Variants in GALNT13 observed in about 807,000 individuals in gnomAD.
GALNT13 encodes the protein UDP-GalNAc:polypeptide N-acetylgalactosaminyltransferase 13.
GALNT13 carries 28 observed loss-of-function variants against 64.2 expected under a neutral mutation model. The ratio of observed to expected loss-of-function variants is 0.44; its 90% CI spans 0.32 to 0.60. The LOEUF (loss-of-function observed/expected upper bound fraction) is 0.60. Among genes scored for constraint, GALNT13 ranks in the 20% least tolerant of loss-of-function variants. The pLI is 0.05. For synonymous variants in GALNT13, 214 were observed against 224.6 expected (o/e 0.95, Z 0.42); for missense variants, 577 against 669.8 (o/e 0.86, Z 1.53).
chr2:154,067,440 A>C (rs2105380864), intron 3 of GALNT13, among the ~76,000 whole-genome samples: 1 of 152,218 alleles, frequency 6.6e-6, no homozygotes. Flanking sequence ...ACAGATAAAA[A>C]AATGACATTC....
At chr2:153,611,883 T>C in the GALNT13 span, among the ~76,000 whole-genome samples, 1 of 150,256 alleles carries the variant, frequency 6.7e-6, no homozygotes, top group Non-Finnish European at 1.5e-5. Flanking sequence ...CAGTCCCTGA[T>C]GTGTGATATT....
the GALNT13 span, among the ~76,000 whole-genome samples, chr2:153,772,228 AC>A: frequency 6.6e-6 from 1 of 152,334 alleles, no homozygotes; most frequent in African/African-American, 2.4e-5. Context: ...AGGTCACCAA[AC>A]AACGACTGAT....
At chr2:153,885,826 G>A (rs1188076340) in intron 1 of GALNT13, among the ~76,000 whole-genome samples, 1 of 152,080 alleles carries the variant, frequency 6.6e-6, no homozygotes, top group Non-Finnish European at 1.5e-5. Flanking sequence ...AATAATTGCT[G>A]TAAAGATACT....
At chr2:153,115,159 C>A in the GALNT13 span, among the ~76,000 whole-genome samples, 1 of 152,008 alleles carries the variant, frequency 6.6e-6, no homozygotes. Flanking sequence ...GCTTTTCAAA[C>A]CCTATAAAAA....
chr2:153,290,117 C>G, the GALNT13 span, among the ~76,000 whole-genome samples: 1 of 152,130 alleles, frequency 6.6e-6, no homozygotes, highest in Non-Finnish European at 1.5e-5. Flanking sequence ...TCACCTTACT[C>G]TCTATGCAAA....
At chr2:154,289,806 T>C (rs2105957969) in intron 8 of GALNT13, among the ~76,000 whole-genome samples, 1 of 152,302 alleles carries the variant, frequency 6.6e-6, no homozygotes, top group African/African-American at 2.4e-5. Flanking sequence ...TGTGTTCCAG[T>C]TTCTTATTTT....
chr2:153,327,236 T>G, the GALNT13 span, among the ~76,000 whole-genome samples: 1 of 152,204 alleles, frequency 6.6e-6, no homozygotes, highest in African/African-American at 2.4e-5. Context: ...CCTTAACGTT[T>G]TTGCCTTCAT....
intron 4 of GALNT13, chr2:154,236,088 A>G: frequency 1.7e-6 from 2 of 1,197,732 alleles, no homozygotes; most frequent in South Asian, 1.6e-5. Context: ...TCCAGATGAC[A>G]GAAGAGATTG....
intron 3 of GALNT13, among the ~76,000 whole-genome samples, chr2:153,956,481 C>T (rs1203190158): frequency 2.0e-5 from 3 of 152,126 alleles, no homozygotes. Flanking sequence ...CTATAACATG[C>T]TAGAATGTTC....
intron 9 of GALNT13, among the ~76,000 whole-genome samples, chr2:154,346,992 A>G (rs1333571204): frequency 6.6e-6 from 1 of 150,556 alleles, no homozygotes; most frequent in Non-Finnish European, 1.5e-5. Flanking sequence ...CAAAGCTGTT[A>G]ATCTAATATC....
chr2:153,183,874 T>C, the GALNT13 span, among the ~76,000 whole-genome samples: 1 of 152,204 alleles, frequency 6.6e-6, no homozygotes. Flanking sequence ...TACTGTAGGC[T>C]TGTAGTATAT....
chr2:153,336,925 A>G, the GALNT13 span, among the ~76,000 whole-genome samples: 7 of 152,296 alleles, frequency 4.6e-5, no homozygotes, highest in South Asian at 4.1e-4. Context: ...TGTGATAGCA[A>G]TTAAGTCTCA....
the GALNT13 span, among the ~76,000 whole-genome samples, chr2:153,722,988 A>G: frequency 2.0e-5 from 3 of 152,150 alleles, no homozygotes; most frequent in Admixed American, 6.5e-5. Flanking sequence ...AAAGCCGGGC[A>G]GAGACACAAC....
chr2:153,261,654 T>G, the GALNT13 span, among the ~76,000 whole-genome samples: 1 of 152,160 alleles, frequency 6.6e-6, no homozygotes, highest in Non-Finnish European at 1.5e-5. Context: ...CACTGGGTTT[T>G]GCCCAAGAAC....
At chr2:153,535,204 G>T in the GALNT13 span, among the ~76,000 whole-genome samples, 1 of 152,148 alleles carries the variant, frequency 6.6e-6, no homozygotes, top group South Asian at 2.1e-4. Flanking sequence ...GTGACGGCCC[G>T]GATACGGTTT....
intron 2 of GALNT13, among the ~76,000 whole-genome samples, chr2:153,915,515 C>A (rs1407259259): frequency 6.6e-6 from 1 of 152,086 alleles, no homozygotes; most frequent in Non-Finnish European, 1.5e-5. Context: ...CTCTCTTATT[C>A]TGTTAAAAGT....
At chr2:153,647,150 G>A in the GALNT13 span, among the ~76,000 whole-genome samples, 50 of 152,166 alleles carry the variant, frequency 3.3e-4, no homozygotes, top group Non-Finnish European at 4.7e-4. Context: ...TTTAATGATC[G>A]CCATTCTAAC....
the GALNT13 span, among the ~76,000 whole-genome samples, chr2:153,343,867 C>T: frequency 4.6e-5 from 7 of 151,990 alleles, no homozygotes; most frequent in Admixed American, 4.6e-4. Flanking sequence ...CACTAAACAC[C>T]CTGCATCTAC....
the GALNT13 span, among the ~76,000 whole-genome samples, chr2:153,462,639 C>G: frequency 6.6e-6 from 1 of 152,102 alleles, no homozygotes; most frequent in Non-Finnish European, 1.5e-5. Context: ...TCATTTCACA[C>G]TCACCTTCCC....
Sources: allele counts gnomAD v4.1 joint callset (sites outside exome capture counted in the v4.1 genomes callset), GRCh38; gene constraint gnomAD v4.1.1; transcripts MANE v1.5; gene names NCBI Gene and HGNC (gene_info 2026-07-23, HGNC 2026-07-21).